The following MTHFD1L variants were observed in gnomAD, a reference collection of about 807,000 sequenced individuals.
The protein encoded by MTHFD1L is monofunctional C1-tetrahydrofolate synthase, mitochondrial.
In MTHFD1L, 81 loss-of-function variants were observed where a neutral mutation model predicts 119.5. The ratio of observed to expected loss-of-function variants is 0.68; its 90% CI spans 0.57 to 0.82. The LOEUF (loss-of-function observed/expected upper bound fraction) is 0.82. Among genes scored for constraint, MTHFD1L ranks in the 40% least tolerant of loss-of-function variants. The probability of loss-of-function intolerance (pLI) is 0.00; values close to 1 mark genes in which losing one functional copy is unlikely to be tolerated. For synonymous variants in MTHFD1L, 430 were observed against 475.2 expected, an observed-to-expected ratio of 0.90 and a Z score of 1.24; for missense variants, 1,125 against 1,253.4, an observed-to-expected ratio of 0.90 and a Z score of 1.55.
intron 10 of MTHFD1L, among the ~76,000 whole-genome samples, chr6:150,925,247 C>G (rs1010641142): frequency 1.3e-5 from 2 of 152,126 alleles, no homozygotes; most frequent in African/African-American, 2.4e-5. Context: ...TAAGGGTAGT[C>G]CCCCGCCGCG....
intron 7 of MTHFD1L, among the ~76,000 whole-genome samples, chr6:150,896,917 C>G (rs995268033): frequency 1.3e-5 from 2 of 151,256 alleles, no homozygotes; most frequent in Admixed American, 6.6e-5. Flanking sequence ...ACCATCCTGG[C>G]TAACACGGTG....
intron 19 of MTHFD1L, among the ~76,000 whole-genome samples, chr6:150,968,073 G>A (rs1037049565): frequency 2.8e-4 from 42 of 151,598 alleles, no homozygotes; most frequent in African/African-American, 9.4e-4. Flanking sequence ...CAGCTCCTTC[G>A]CCTCCCTCTG....
At chr6:150,873,399 A>T (rs6940322) in intron 1 of MTHFD1L, among the ~76,000 whole-genome samples, 64,190 of 152,038 alleles carry the variant, frequency 0.42, 13,985 homozygotes, top group African/African-American at 0.52. Context: ...GCTGTTAGTA[A>T]GAATGTTTTT....
chr6:150,893,201 A>T (rs930758881), intron 7 of MTHFD1L, among the ~76,000 whole-genome samples: 5 of 152,096 alleles, frequency 3.3e-5, no homozygotes, highest in African/African-American at 1.2e-4. Context: ...AGTAGCTGGG[A>T]TTACAGGCGA....
intron 20 of MTHFD1L, among the ~76,000 whole-genome samples, chr6:150,994,067 A>T (rs1779408292): frequency 2.1e-5 from 3 of 139,622 alleles, no homozygotes; most frequent in Non-Finnish European, 4.5e-5. Flanking sequence ...ACAACAGTAA[A>T]AAAAAAAAAA....
At chr6:150,967,832 A>G (rs1192966331) in intron 19 of MTHFD1L, among the ~76,000 whole-genome samples, 1 of 151,910 alleles carries the variant, frequency 6.6e-6, no homozygotes, top group Non-Finnish European at 1.5e-5. Context: ...TTTTCTTCCA[A>G]AATACTCTCT....
intron 19 of MTHFD1L, among the ~76,000 whole-genome samples, chr6:150,968,227 G>A (rs1031860658): frequency 1.3e-5 from 2 of 151,906 alleles, no homozygotes; most frequent in South Asian, 2.1e-4. Context: ...TCCTCCCACC[G>A]AGATGACAGC....
At chr6:151,040,532 G>A (rs1786935025) in intron 26 of MTHFD1L, among the ~76,000 whole-genome samples, 1 of 151,946 alleles carries the variant, frequency 6.6e-6, no homozygotes, top group African/African-American at 2.4e-5. Flanking sequence ...AACATAGCCA[G>A]ACTTTGTCTC....
intron 1 of MTHFD1L, among the ~76,000 whole-genome samples, chr6:150,869,110 C>G (rs920314533): frequency 2.0e-5 from 3 of 152,102 alleles, no homozygotes; most frequent in Non-Finnish European, 4.4e-5. Flanking sequence ...ATTTTTTAGA[C>G]AATGCTTTTG....
chr6:151,071,355 A>G (rs1015101271), intron 26 of MTHFD1L, among the ~76,000 whole-genome samples: 1 of 152,058 alleles, frequency 6.6e-6, no homozygotes, highest in Non-Finnish European at 1.5e-5. Context: ...TTTGTGTTTT[A>G]TGTACTTTTA....
intron 2 of MTHFD1L, 90 bp from the exon 3 acceptor site, chr6:150,877,544 T>C (rs1469826906): frequency 7.3e-7 from 1 of 1,370,206 alleles, no homozygotes; most frequent in Non-Finnish European, 1.0e-6. Context: ...TGTAATTAGA[T>C]CATCTGTAAT....
At chr6:150,972,086 T>C (rs1360996180) in intron 20 of MTHFD1L, 28 bp downstream of exon 20, 3 of 1,572,868 alleles carry the variant, frequency 1.9e-6, no homozygotes, top group Non-Finnish European at 2.6e-6. Context: ...AATTTAGTTG[T>C]TGTAGAATAT....
intron 24 of MTHFD1L, among the ~76,000 whole-genome samples, chr6:151,027,848 A>C (rs536478730): frequency 3.3e-5 from 5 of 152,224 alleles, no homozygotes; most frequent in Admixed American, 3.3e-4. Context: ...TCCCAAGAGC[A>C]CTCTGGCCAT....
At chr6:150,903,281 A>C (rs1785378295) in intron 7 of MTHFD1L, among the ~76,000 whole-genome samples, 1 of 135,742 alleles carries the variant, frequency 7.4e-6, no homozygotes, top group Non-Finnish European at 1.5e-5. Context: ...GCAGTGGTGC[A>C]ATCTTGGCTT....
chr6:151,052,349 A>C (rs1789194380), intron 26 of MTHFD1L, among the ~76,000 whole-genome samples: 1 of 152,154 alleles, frequency 6.6e-6, no homozygotes, highest in African/African-American at 2.4e-5. Context: ...TGCACTGTGC[A>C]CTGAGGTTAC....
At chr6:150,937,114 A>G (rs757416451) in intron 12 of MTHFD1L, among the ~76,000 whole-genome samples, 174 bp downstream of exon 12, 1 of 152,182 alleles carries the variant, frequency 6.6e-6, no homozygotes, top group Non-Finnish European at 1.5e-5. Flanking sequence ...GGGCATGAAA[A>G]AGAGCAGTGG....
At chr6:150,897,353 G>A (rs1169934319) in intron 7 of MTHFD1L, among the ~76,000 whole-genome samples, 1 of 152,096 alleles carries the variant, frequency 6.6e-6, no homozygotes, top group Non-Finnish European at 1.5e-5. Flanking sequence ...CAGTCTCATT[G>A]GATTATGTTC....
chr6:150,931,715 G>C (rs1187501539), intron 11 of MTHFD1L, among the ~76,000 whole-genome samples: 1 of 152,194 alleles, frequency 6.6e-6, no homozygotes, highest in East Asian at 1.9e-4. Flanking sequence ...TGGGTCTTTA[G>C]AATAGTTCAA....
At chr6:151,028,218 C>T (rs572366452) in intron 24 of MTHFD1L, among the ~76,000 whole-genome samples, 269 of 152,290 alleles carry the variant, frequency 1.8e-3, no homozygotes, top group African/African-American at 5.4e-3. Flanking sequence ...ACCACAACTA[C>T]TCATCTCACA....
Sources: gnomAD v4.1 joint callset for allele counts (sites outside exome capture counted in the v4.1 genomes callset) on GRCh38, gnomAD v4.1.1 for gene constraint, MANE v1.5 for transcripts, NCBI Gene and HGNC (gene_info 2026-07-23, HGNC 2026-07-21) for gene names.